The following PLEKHM3 variants were observed in gnomAD, a reference collection of about 807,000 sequenced individuals.
PLEKHM3 encodes pleckstrin homology domain-containing family M member 3.
PLEKHM3 carries 45 observed loss-of-function variants against 81.8 expected under a neutral mutation model. That is an observed-to-expected ratio of 0.55 (90% CI 0.43 to 0.71). PLEKHM3 has a LOEUF of 0.71. Ranked by LOEUF, PLEKHM3 falls within the 30% of genes least tolerant of loss-of-function variation. The probability of loss-of-function intolerance (pLI) is 0.00; values close to 1 mark genes in which losing one functional copy is unlikely to be tolerated. For synonymous variants in PLEKHM3, 352 were observed against 356.4 expected (o/e 0.99, Z 0.14); for missense variants, 788 against 924.3 (o/e 0.85, Z 1.91).
chr2:207,934,747 A>G (rs941190838), intron 4 of PLEKHM3, among the ~76,000 whole-genome samples: 8 of 152,238 alleles, frequency 5.3e-5, no homozygotes, highest in African/African-American at 1.9e-4. Flanking sequence ...CTATTTACAC[A>G]TATACATTTA....
In PLEKHM3 at chr2:207,827,433, T is replaced by G. The variant is rs2092257376; in HGVS notation, c.*886A>C. 1 of 151,978 alleles carries G rather than the reference T, an allele frequency of 6.6e-6. No homozygotes were observed. Among genetic ancestry groups the G allele is most frequent in the South Asian group, 2.1e-4 (1 of 4,824 alleles). The allele number at this position is 151,978 out of a possible 1,614,324, so 9.4% of individuals were successfully genotyped here. On this transcript the variant is annotated 3_prime_UTR_variant, in exon 8 of 8. Transcript: ENST00000427836. ...TCTTTAACAACCACCCCAGGACATT[T>G]CCTCCGGCCAGCATCATGAAAAAAA...
chr2:207,972,788 T>C (rs1174449691), intron 3 of PLEKHM3, among the ~76,000 whole-genome samples: 1 of 152,158 alleles, frequency 6.6e-6, no homozygotes, highest in Non-Finnish European at 1.5e-5. Flanking sequence ...TGCATAACCA[T>C]GGTCCATTTT....
At chr2:208,021,496 A>G (rs1257778862) in intron 1 of PLEKHM3, among the ~76,000 whole-genome samples, 1 of 152,182 alleles carries the variant, frequency 6.6e-6, no homozygotes, top group Non-Finnish European at 1.5e-5. Flanking sequence ...TCTTTAAAAA[A>G]TCACTTTCTG....
rs542380482 is a variant in PLEKHM3 at position 207,877,628 on chromosome 2, G to C, written c.1951-16366C>G. ...TAGCTTATGTAAACTGAGAGAAGAG[G>C]TTTTGTTGGTTATCTCTTTTTAAAA... On this transcript the variant is annotated intron_variant, in intron 6 of 7. Transcript: ENST00000427836. Among the ~76,000 whole-genome samples the C allele has an allele frequency of 1.3e-4, 20 of 152,296 alleles. No homozygotes were observed. In the East Asian group the frequency reaches 2.1e-3, roughly 16 times the overall value.
chr2:207,902,720 G>A (rs1688472443), intron 6 of PLEKHM3, among the ~76,000 whole-genome samples: 1 of 152,090 alleles, frequency 6.6e-6, no homozygotes, highest in Non-Finnish European at 1.5e-5. Context: ...AGCGGCTAAT[G>A]TTAATCAGTT....
At chr2:207,937,682 C>T (rs1471039957) in intron 4 of PLEKHM3, among the ~76,000 whole-genome samples, 1 of 151,738 alleles carries the variant, frequency 6.6e-6, no homozygotes, top group Non-Finnish European at 1.5e-5. Flanking sequence ...AATATAATCC[C>T]ATTACTGAAA....
intron 5 of PLEKHM3, among the ~76,000 whole-genome samples, chr2:207,923,851 G>A (rs1249172761): frequency 6.3e-4 from 23 of 36,792 alleles, no homozygotes; most frequent in Non-Finnish European, 6.9e-4. Context: ...ACATACACAC[G>A]CACGCACACA....
intron 3 of PLEKHM3, among the ~76,000 whole-genome samples, chr2:207,954,728 A>G (rs1690449174): frequency 6.6e-6 from 1 of 152,234 alleles, no homozygotes. Flanking sequence ...TTTGACATGT[A>G]GGACCTACGT....
intron 7 of PLEKHM3, among the ~76,000 whole-genome samples, chr2:207,834,736 T>A (rs1356049255): frequency 6.6e-6 from 1 of 151,778 alleles, no homozygotes; most frequent in African/African-American, 2.4e-5. Context: ...GACTTTTCAA[T>A]TCTACCTAAA....
intron 3 of PLEKHM3, among the ~76,000 whole-genome samples, chr2:207,948,161 C>T (rs1320605441): frequency 1.3e-5 from 2 of 152,068 alleles, no homozygotes; most frequent in Admixed American, 6.5e-5. Context: ...TTAGAACCAA[C>T]ACACATGTAG....
intron 2 of PLEKHM3, among the ~76,000 whole-genome samples, chr2:207,997,882 C>T (rs949828621): frequency 5.3e-5 from 8 of 152,156 alleles, no homozygotes; most frequent in South Asian, 2.1e-4. Flanking sequence ...GGAGAAACAA[C>T]GAGTCTTTCT....
intron 3 of PLEKHM3, among the ~76,000 whole-genome samples, chr2:207,970,404 G>A (rs1469706430): frequency 6.6e-6 from 1 of 151,818 alleles, no homozygotes; most frequent in African/African-American, 2.4e-5. Context: ...AGGCAGCAGG[G>A]GTCTGTGATG....
chr2:207,977,464 G>A lies in PLEKHM3; in HGVS notation c.733C>T (p.Leu245Phe), dbSNP rs1466676277. 6.2e-7 allele frequency: 1 copy of A among 1,614,204 alleles called. No homozygotes were observed. Among genetic ancestry groups the A allele is most frequent in the Admixed American group, 1.7e-5 (1 of 60,018 alleles). Residue 245 changes from leucine to phenylalanine, a missense_variant, in exon 3 of 8, where the codon CTC (leucine) becomes TTC (phenylalanine). Physicochemically the swap from Leu to Phe is conservative, Grantham distance 22. Transcript: ENST00000427836. ...AGGTTTTGATTCCCACTGCTGTCGAGGCTGTAGAAGTATAAGTTGTAAGGT... is the reference window on the plus strand; with the variant it reads ...AGGTTTTGATTCCCACTGCTGTCGAAGCTGTAGAAGTATAAGTTGTAAGGT... ...LSPYNLYFYS[L>F]DSSGNQNLYA...
At chr2:208,011,063 TCAAA>T (rs1452181810) in intron 1 of PLEKHM3, among the ~76,000 whole-genome samples, 3 of 82,424 alleles carry the variant, frequency 3.6e-5, no homozygotes, top group African/African-American at 1.5e-4. Flanking sequence ...ATGGCCATAA[TCAAA>T]AAAAAAAAAA....
chr2:207,931,872 T>C (rs1447505440), intron 4 of PLEKHM3, among the ~76,000 whole-genome samples: 1 of 151,996 alleles, frequency 6.6e-6, no homozygotes, highest in African/African-American at 2.4e-5. Context: ...ACTTGGGAGG[T>C]TAAGGCGGGA....
At position 207,868,922 on chromosome 2, in the gene PLEKHM3, C is replaced by T. The variant is rs189527130; in HGVS notation, c.1951-7660G>A. The T allele has an allele frequency of 8.6e-4, 131 of 152,290 alleles. 1 individual carries two copies. The highest frequency in any genetic ancestry group is 1.2e-3 in the Non-Finnish European group (85 of 68,024). The allele number at this position is 152,290 out of a possible 1,614,324, so 9.4% of individuals were successfully genotyped here. A position where few individuals can be genotyped will look rare whatever the true frequency, so the allele number is the denominator to read the frequency against. On this transcript the variant is annotated intron_variant, in intron 6 of 7. Transcript: ENST00000427836. ...AGTAGAAATTAATGTAAAGCAGTCACATCCATTTCTTCTGGTATTGCTGTA... is the reference window on the plus strand; with the variant it reads ...AGTAGAAATTAATGTAAAGCAGTCATATCCATTTCTTCTGGTATTGCTGTA...
rs74404867 is a variant in PLEKHM3, at chr2:207,990,353, C to G, written c.610+10677G>C. Among the ~76,000 whole-genome samples, 4 of 152,256 alleles carry G rather than the reference C, an allele frequency of 2.6e-5. No homozygotes were observed. In the East Asian group the frequency reaches 7.7e-4, roughly 29 times the overall value. ...GACCATCTCATACATACGCTGTGTT[C>G]TTTCCACCTTGACTTTGTGCTCAAT... On this transcript the variant is annotated intron_variant, in intron 2 of 7. Transcript: ENST00000427836.
intron 6 of PLEKHM3, among the ~76,000 whole-genome samples, chr2:207,886,160 T>C (rs1687878623): frequency 6.6e-6 from 1 of 152,190 alleles, no homozygotes; most frequent in Admixed American, 6.5e-5. Flanking sequence ...AAAAGTATAA[T>C]TTTTAAAAAC....
chr2:207,861,381 C>T, intron 6 of PLEKHM3, 119 bp from the exon 7 acceptor site: 1 of 1,139,462 alleles, frequency 8.8e-7, no homozygotes, highest in Middle Eastern at 2.1e-4. Context: ...ATTATAATTT[C>T]TCAGCAACTC....
Sources: gnomAD v4.1 joint callset for allele counts (sites outside exome capture counted in the v4.1 genomes callset) on GRCh38, gnomAD v4.1.1 for gene constraint, MANE v1.5 for transcripts, NCBI Gene and HGNC (gene_info 2026-07-23, HGNC 2026-07-21) for gene names.